Variants in HEMK2 observed in about 807,000 individuals in gnomAD.
HEMK2 encodes HemK methyltransferase 2, ETF1 glutamine and histone H4 lysine.
chr21:28,749,029 C>A, the HEMK2 span, among the ~76,000 whole-genome samples: 2 of 152,066 alleles, frequency 1.3e-5, no homozygotes, highest in East Asian at 3.9e-4. Flanking sequence ...TCCTTAGATC[C>A]CCAGAAGCAG....
chr21:28,838,988 TATATATATATATACATATATATAC>T, the HEMK2 span, among the ~76,000 whole-genome samples: 18 of 76,674 alleles, frequency 2.3e-4, no homozygotes, highest in African/African-American at 1.2e-3. Flanking sequence ...TATATATATA[TATATATATATATACATATATATAC>T]ACAATCTGCC....
the HEMK2 span, among the ~76,000 whole-genome samples, chr21:28,719,032 C>A: frequency 6.6e-6 from 1 of 152,138 alleles, no homozygotes; most frequent in East Asian, 1.9e-4. Context: ...CAACAATGGG[C>A]GCCACAGTCC....
chr21:28,738,738 A>G, the HEMK2 span, among the ~76,000 whole-genome samples: 2 of 152,242 alleles, frequency 1.3e-5, no homozygotes, highest in African/African-American at 4.8e-5. Flanking sequence ...AGATGGCTCT[A>G]GTCCCCAACA....
At chr21:28,870,343 A>C in the HEMK2 span, among the ~76,000 whole-genome samples, 1 of 152,330 alleles carries the variant, frequency 6.6e-6, no homozygotes, top group East Asian at 1.9e-4. Context: ...CACTATTACT[A>C]ACTAAAGTTC....
the HEMK2 span, among the ~76,000 whole-genome samples, chr21:28,797,512 G>C: frequency 6.6e-6 from 1 of 151,234 alleles, no homozygotes. Flanking sequence ...CTGCTCAGGA[G>C]GCTGAGGTGG....
the HEMK2 span, among the ~76,000 whole-genome samples, chr21:28,852,088 G>C: frequency 6.6e-6 from 1 of 152,176 alleles, no homozygotes. Flanking sequence ...GAGTTGAAAG[G>C]GGATGTGGTG....
the HEMK2 span, among the ~76,000 whole-genome samples, chr21:28,633,215 A>T: frequency 6.6e-6 from 1 of 152,152 alleles, no homozygotes; most frequent in Non-Finnish European, 1.5e-5. Flanking sequence ...GTCTCTACAG[A>T]GGTTAGGAAT....
At chr21:28,879,742 C>T in the HEMK2 span, 1 of 602,092 alleles carries the variant, frequency 1.7e-6, no homozygotes, top group Non-Finnish European at 2.7e-6. Context: ...CAATTACTGA[C>T]AATTAGGAGT....
At chr21:28,788,680 A>T in the HEMK2 span, among the ~76,000 whole-genome samples, 3 of 151,116 alleles carry the variant, frequency 2.0e-5, no homozygotes, top group Non-Finnish European at 2.9e-5. Context: ...TTATGGAAAA[A>T]TAAAATAAAA....
the HEMK2 span, among the ~76,000 whole-genome samples, chr21:28,697,719 C>T: frequency 1.5e-5 from 2 of 134,706 alleles, no homozygotes; most frequent in African/African-American, 5.9e-5. Context: ...TCCCTGAAGC[C>T]CTCATCAAAA....
At chr21:28,835,923 A>T in the HEMK2 span, among the ~76,000 whole-genome samples, 1 of 151,226 alleles carries the variant, frequency 6.6e-6, no homozygotes, top group South Asian at 2.1e-4. Context: ...AAATTAACCC[A>T]GTCCAACAAA....
chr21:28,846,326 G>A, the HEMK2 span, among the ~76,000 whole-genome samples: 5 of 152,274 alleles, frequency 3.3e-5, no homozygotes, highest in Non-Finnish European at 7.4e-5. Context: ...TAATGGGATT[G>A]CTGGGTCAAC....
At chr21:28,857,480 C>T in the HEMK2 span, among the ~76,000 whole-genome samples, 4 of 151,900 alleles carry the variant, frequency 2.6e-5, no homozygotes, top group East Asian at 1.9e-4. Context: ...TTTAACTAGA[C>T]CTGTGTAATT....
At chr21:28,852,028 C>T in the HEMK2 span, among the ~76,000 whole-genome samples, 1 of 152,208 alleles carries the variant, frequency 6.6e-6, no homozygotes, top group Non-Finnish European at 1.5e-5. Flanking sequence ...TTACGATAAT[C>T]CACTATCATT....
the HEMK2 span, among the ~76,000 whole-genome samples, chr21:28,869,588 C>T: frequency 6.6e-6 from 1 of 152,188 alleles, no homozygotes; most frequent in Non-Finnish European, 1.5e-5. Flanking sequence ...ACTTATGCTA[C>T]TTCCAGGACT....
At chr21:28,598,070 T>C in the HEMK2 span, among the ~76,000 whole-genome samples, 2 of 152,176 alleles carry the variant, frequency 1.3e-5, no homozygotes, top group South Asian at 2.1e-4. Context: ...CAGGATCATG[T>C]ATGAGATGAA....
chr21:28,716,488 C>G, the HEMK2 span, among the ~76,000 whole-genome samples: 1 of 152,062 alleles, frequency 6.6e-6, no homozygotes, highest in Non-Finnish European at 1.5e-5. Context: ...GATTTTGTAT[C>G]CTGAAACATT....
the HEMK2 span, among the ~76,000 whole-genome samples, chr21:28,807,242 C>A: frequency 3.9e-5 from 6 of 152,262 alleles, no homozygotes; most frequent in Middle Eastern, 6.8e-3. Flanking sequence ...CCCATACTTC[C>A]CCTAGTCTAC....
At chr21:28,787,044 C>A in the HEMK2 span, among the ~76,000 whole-genome samples, 5 of 152,058 alleles carry the variant, frequency 3.3e-5, no homozygotes, top group African/African-American at 1.2e-4. Context: ...AAGAGAGAAC[C>A]CAGAAATAAA....
Sources: allele counts gnomAD v4.1 joint callset (sites outside exome capture counted in the v4.1 genomes callset), GRCh38; gene constraint gnomAD v4.1.1; transcripts MANE v1.5; gene names NCBI Gene and HGNC (gene_info 2026-07-23, HGNC 2026-07-21).